WDR44: variants seen among roughly 807,000 people sequenced by gnomAD.
The protein encoded by WDR44 is WD repeat domain 44, also known as WD repeat-containing protein 44.
WDR44 carries 9 observed loss-of-function variants against 65.7 expected under a neutral mutation model. The ratio of observed to expected loss-of-function variants is 0.14; its 90% CI spans 0.08 to 0.24. WDR44 has a LOEUF of 0.24. WDR44 is among the 10% of genes least tolerant of loss of function. The probability of loss-of-function intolerance (pLI) is 1.00; values close to 1 mark genes in which losing one functional copy is unlikely to be tolerated. For missense variants in WDR44, 425 were observed against 670.9 expected (o/e 0.63, Z 4.05); for synonymous variants, 220 against 235.2 (o/e 0.94, Z 0.59).
At chrX:118,349,171 G>C (rs976166335) in intron 1 of WDR44, among the ~76,000 whole-genome samples, 1 of 110,978 alleles carries the variant, frequency 9.0e-6, no homozygotes, top group African/African-American at 3.3e-5. Flanking sequence ...CACTTGCCCA[G>C]CTTTGCAATA....
chrX:118,402,102 A>G (rs368317481), intron 8 of WDR44, among the ~76,000 whole-genome samples: 7 of 109,181 alleles, frequency 6.4e-5, no homozygotes, highest in East Asian at 5.7e-4. Context: ...TCTTTCTGAG[A>G]GCCAGATATG....
At chrX:118,424,919 G>A (rs2057142885) in intron 12 of WDR44, among the ~76,000 whole-genome samples, 1 of 111,885 alleles carries the variant, frequency 8.9e-6, no homozygotes, top group African/African-American at 3.2e-5. Context: ...TTTTTTGCAT[G>A]TGTATCTCCA....
At position 118,434,752 on chromosome X, in the gene WDR44, A is replaced by G. The variant is rs113622603; in HGVS notation, c.1851+1858A>G. On this transcript the variant is annotated intron_variant, in intron 13 of 19. Transcript: ENST00000254029. ...ACAAGATTCTAAGCCTCTCCAGGGTAGGAACCAGATATTATTTTACTGTTT... is the reference window on the plus strand; with the variant it reads ...ACAAGATTCTAAGCCTCTCCAGGGTGGGAACCAGATATTATTTTACTGTTT... Among the ~76,000 whole-genome samples, 26 of 111,996 alleles carry G rather than the reference A, an allele frequency of 2.3e-4. 1 individual carries two copies. Among genetic ancestry groups the G allele is most frequent in the African/African-American group, 8.1e-4 (25 of 30,861 alleles).
chrX:118,425,128 C>CAA (rs913343621), intron 12 of WDR44, among the ~76,000 whole-genome samples: 2 of 110,840 alleles, frequency 1.8e-5, no homozygotes, highest in African/African-American at 6.6e-5. Context: ...CTGGTGTGCT[C>CAA]AAAAAACAGC....
chrX:118,426,753 AATTCTACCTTT>A (rs199883442), intron 12 of WDR44, among the ~76,000 whole-genome samples: 12,387 of 110,845 alleles, frequency 0.11, 671 homozygotes, highest in Admixed American at 0.24. Flanking sequence ...TTTACTTGGT[AATTCTACCTTT>A]AATAATTTAT....
chrX:118,412,417 A>G (rs987536035), intron 12 of WDR44, among the ~76,000 whole-genome samples: 1 of 111,740 alleles, frequency 8.9e-6, no homozygotes, highest in African/African-American at 3.3e-5. Flanking sequence ...TAGAAAGAGT[A>G]TTCTGGTAGT....
chrX:118,356,608 A>G (rs1316740438), intron 1 of WDR44, among the ~76,000 whole-genome samples: 1 of 109,726 alleles, frequency 9.1e-6, no homozygotes, highest in African/African-American at 3.3e-5. Flanking sequence ...CTACCTACCT[A>G]ATCAAACCTC....
At chrX:118,423,672 A>G (rs2057124347) in intron 12 of WDR44, among the ~76,000 whole-genome samples, 1 of 111,753 alleles carries the variant, frequency 8.9e-6, no homozygotes. Flanking sequence ...AGTATTGTAA[A>G]CTGTATGCAC....
At position 118,346,391 on chromosome X, in the gene WDR44, C is replaced by T; in HGVS notation, c.-113C>T. ...TACAGATCGTCTGCTCCCTCAGCCT[C>T]GCCCGAGACCCACTTCCCCAGTCTC... On this transcript the variant is annotated 5_prime_UTR_variant, in exon 1 of 20. Coordinates refer to ENST00000254029, the MANE Select transcript of WDR44 (RefSeq NM_019045.5). 1.6e-6 allele frequency: 1 copy of T among 636,375 alleles called. No individual in the cohort carries two copies. Among genetic ancestry groups the T allele is most frequent in the Non-Finnish European group, 2.6e-6 (1 of 386,397 alleles). 52.4% of individuals were successfully genotyped at this position (636,375 alleles called of 1,213,427 possible).
intron 12 of WDR44, among the ~76,000 whole-genome samples, chrX:118,431,405 G>A (rs758160038): frequency 8.9e-6 from 1 of 111,951 alleles, no homozygotes; most frequent in African/African-American, 3.2e-5. Context: ...CTGGGTTCAA[G>A]CGATTCTCCT....
At chrX:118,377,723 C>CTTTTT (rs1189608732) in intron 1 of WDR44, among the ~76,000 whole-genome samples, 1 of 78,745 alleles carries the variant, frequency 1.3e-5, no homozygotes, top group African/African-American at 5.0e-5. Flanking sequence ...TCTTCTCTCT[C>CTTTTT]TTTTTTTTTT....
chrX:118,410,808 G>A (rs1371686258), intron 11 of WDR44, 87 bp from the exon 12 acceptor site: 1 of 724,018 alleles, frequency 1.4e-6, no homozygotes, highest in East Asian at 3.5e-5. Context: ...ATTAGACATT[G>A]CTGTGTCATT....
chrX:118,423,175 GT>G (rs201881713), intron 12 of WDR44, among the ~76,000 whole-genome samples: 12 of 106,181 alleles, frequency 1.1e-4, no homozygotes, highest in African/African-American at 2.7e-4. Context: ...ATATAAAGTT[GT>G]TTTTTTTTTG....
chrX:118,401,910 G>C (rs1425328444), intron 8 of WDR44, among the ~76,000 whole-genome samples: 1 of 110,876 alleles, frequency 9.0e-6, no homozygotes, highest in Non-Finnish European at 1.9e-5. Flanking sequence ...CCAGAAATCA[G>C]TTTTAATAGC....
chrX:118,428,287 CA>C, intron 12 of WDR44, among the ~76,000 whole-genome samples: 1 of 108,773 alleles, frequency 9.2e-6, no homozygotes, highest in South Asian at 4.2e-4. Context: ...GACTCCATCT[CA>C]AAAAATAGTA....
rs771814858 is a variant in WDR44 at position 118,412,970 on chromosome X, TTC to T, written c.1737+2015_1737+2016del. Among the ~76,000 whole-genome samples the T allele has an allele frequency of 5.3e-5, 6 of 112,322 alleles. No individual in the cohort carries two copies. In the East Asian group the frequency reaches 1.7e-3, roughly 31 times the overall value. On this transcript the variant is annotated intron_variant, in intron 12 of 19. Coordinates refer to ENST00000254029, the MANE Select transcript of WDR44 (RefSeq NM_019045.5). ...GTTTGGTTTTCCATTCCTGAGTTAC[TTC>T]TCTTAGAATAATAGTCTCCAATCTC...
At chrX:118,397,298 T>G (rs1299980420) in intron 7 of WDR44, among the ~76,000 whole-genome samples, 192 bp downstream of exon 7, 1 of 111,275 alleles carries the variant, frequency 9.0e-6, no homozygotes, top group Admixed American at 9.7e-5. Flanking sequence ...TTGGGGAAAA[T>G]AGTATAAATA....
At chrX:118,436,644 T>C (rs753241763) in intron 13 of WDR44, 58 bp from the exon 14 acceptor site, 51 of 1,150,870 alleles carry the variant, frequency 4.4e-5, no homozygotes, top group Non-Finnish European at 4.8e-5. Flanking sequence ...ACTTTTATTG[T>C]ATAAATAGGG....
At chrX:118,423,733 T>G (rs1159713677) in intron 12 of WDR44, among the ~76,000 whole-genome samples, 1 of 112,041 alleles carries the variant, frequency 8.9e-6, no homozygotes, top group African/African-American at 3.2e-5. Flanking sequence ...AGTGAAACTT[T>G]GTACCCTTTG....
Sources: allele counts gnomAD v4.1 joint callset (sites outside exome capture counted in the v4.1 genomes callset), GRCh38; gene constraint gnomAD v4.1.1; transcripts MANE v1.5; gene names NCBI Gene and HGNC (gene_info 2026-07-23, HGNC 2026-07-21).